The following RFX3 variants were observed in gnomAD, a reference collection of about 807,000 sequenced individuals.
RFX3 encodes regulatory factor X3.
A neutral mutation model predicts 98.6 loss-of-function variants in RFX3; 14 were observed. That is an observed-to-expected ratio of 0.14 (90% confidence interval 0.09 to 0.22). The LOEUF (loss-of-function observed/expected upper bound fraction) is 0.22. RFX3 is among the 10% of genes least tolerant of loss of function. RFX3 has a pLI of 1.00. For missense variants in RFX3, 639 were observed against 926.9 expected (o/e 0.69, Z 4.03); for synonymous variants, 383 against 328.4 (o/e 1.17, Z -1.80).
intron 1 of RFX3, among the ~76,000 whole-genome samples, chr9:3,522,102 A>G (rs1818778039): frequency 6.6e-6 from 1 of 152,210 alleles, no homozygotes; most frequent in Admixed American, 6.5e-5. Context: ...CAACAAAAGC[A>G]AAGGATGCCA....
chr9:3,276,173 G>C (rs1825186655), intron 8 of RFX3, among the ~76,000 whole-genome samples: 1 of 152,058 alleles, frequency 6.6e-6, no homozygotes, highest in Non-Finnish European at 1.5e-5. Context: ...CGCAGCACAG[G>C]ATCTTTTGGG....
chr9:3,273,031 A>C (rs1208598031), intron 9 of RFX3, among the ~76,000 whole-genome samples: 1 of 152,202 alleles, frequency 6.6e-6, no homozygotes, highest in Non-Finnish European at 1.5e-5. Context: ...CATTCATATC[A>C]GCTTCATTTG....
chr9:3,504,816 TATTA>T (rs1324329983), intron 1 of RFX3, among the ~76,000 whole-genome samples: 2 of 100,036 alleles, frequency 2.0e-5, no homozygotes, highest in African/African-American at 8.3e-5. Context: ...ATAAAATATA[TATTA>T]TATATAAAAT....
At chr9:3,512,092 A>T (rs1047788122) in intron 1 of RFX3, among the ~76,000 whole-genome samples, 3 of 151,912 alleles carry the variant, frequency 2.0e-5, no homozygotes, top group African/African-American at 7.3e-5. Flanking sequence ...CCATAAAAAC[A>T]AAAATAATAA....
intron 6 of RFX3, among the ~76,000 whole-genome samples, chr9:3,289,326 T>A (rs973428133): frequency 2.0e-5 from 3 of 152,066 alleles, no homozygotes; most frequent in African/African-American, 7.2e-5. Context: ...TGCCAGTTTT[T>A]AAAAAATGCA....
chr9:3,470,957 C>T (rs1848724164), intron 1 of RFX3, among the ~76,000 whole-genome samples: 1 of 152,140 alleles, frequency 6.6e-6, no homozygotes, highest in South Asian at 2.1e-4. Context: ...TTCTAACTTT[C>T]TGAAATCTGT....
Position 3,219,943 on chromosome 9 carries a change from T to C in RFX3, c.*5099A>G, listed in dbSNP as rs1188078622. 1 of 152,198 alleles carries C rather than the reference T, an allele frequency of 6.6e-6. No homozygotes were observed. The highest frequency in any genetic ancestry group is 1.5e-5 in the Non-Finnish European group (1 of 68,036). The allele number at this position is 152,198 out of a possible 1,614,324, so 9.4% of individuals were successfully genotyped here. On this transcript the variant is annotated 3_prime_UTR_variant, in exon 17 of 17. Transcript: ENST00000617270. ...ACATCTGCAGACAACACTGCTTTCA[T>C]GTTCGATCACGCAGGGAACAGAGGG...
In RFX3 at chr9:3,219,882, A is replaced by G. The variant is rs1817252254; in HGVS notation, c.*5160T>C. The G allele has an allele frequency of 6.6e-6, 1 of 152,222 alleles. No individual in the cohort carries two copies. The highest frequency in any genetic ancestry group is 2.1e-4 in the South Asian group (1 of 4,832). The allele number at this position is 152,222 out of a possible 1,614,324, so 9.4% of individuals were successfully genotyped here. A position where few individuals can be genotyped will look rare whatever the true frequency, so the allele number is the denominator to read the frequency against. ...CTTTCACCAGACATCAGAATAGGTT[A>G]CACTCTTATTTGCACCCAGCTAGGG... On this transcript the variant is annotated 3_prime_UTR_variant, in exon 17 of 17. Coordinates refer to ENST00000617270, the MANE Select transcript of RFX3 (RefSeq NM_001282116.2).
At chr9:3,231,284 T>A (rs1818410183) in intron 15 of RFX3, among the ~76,000 whole-genome samples, 1 of 152,196 alleles carries the variant, frequency 6.6e-6, no homozygotes, top group Admixed American at 6.5e-5. Context: ...CCTATAGAGC[T>A]GAAGGTAAAG....
chr9:3,457,307 T>C (rs918956184), intron 1 of RFX3, among the ~76,000 whole-genome samples: 2 of 152,142 alleles, frequency 1.3e-5, no homozygotes, highest in Non-Finnish European at 2.9e-5. Context: ...TTACTGGCCA[T>C]AATGGTTCAA....
chr9:3,465,794 T>TAGTAA (rs1040497574), intron 1 of RFX3, among the ~76,000 whole-genome samples: 3 of 151,900 alleles, frequency 2.0e-5, no homozygotes, highest in Non-Finnish European at 4.4e-5. Context: ...GTGGTAAAGA[T>TAGTAA]AGTAAGTATT....
intron 1 of RFX3, among the ~76,000 whole-genome samples, chr9:3,487,934 T>C (rs997541638): frequency 3.9e-5 from 6 of 152,140 alleles, no homozygotes; most frequent in African/African-American, 1.4e-4. Context: ...TAACTTACTG[T>C]TGGGAAAAGC....
chr9:3,482,633 G>C (rs1849874417), intron 1 of RFX3, among the ~76,000 whole-genome samples: 1 of 152,110 alleles, frequency 6.6e-6, no homozygotes, highest in Admixed American at 6.6e-5. Flanking sequence ...ACTGAATGAA[G>C]ATTTACATTT....
intron 1 of RFX3, chr9:3,452,342 G>A: frequency 3.0e-6 from 1 of 329,098 alleles, no homozygotes; most frequent in South Asian, 2.3e-5. Context: ...TGTAATCTCA[G>A]TGCTTTGGGA....
intron 2 of RFX3, among the ~76,000 whole-genome samples, chr9:3,361,738 A>T (rs990653847): frequency 6.6e-6 from 1 of 151,802 alleles, no homozygotes; most frequent in Non-Finnish European, 1.5e-5. Flanking sequence ...ACTGGAGCCC[A>T]GCAGTTTAAG....
chr9:3,504,864 T>TATATATAATATAAC (rs1816651579), intron 1 of RFX3, among the ~76,000 whole-genome samples: 2 of 71,018 alleles, frequency 2.8e-5, no homozygotes, highest in Non-Finnish European at 4.4e-5. Flanking sequence ...TATGATATAA[T>TATATATAATATAAC]ATATATTATA....
chr9:3,500,427 T>C (rs1260096850), intron 1 of RFX3, among the ~76,000 whole-genome samples: 1 of 152,142 alleles, frequency 6.6e-6, no homozygotes, highest in East Asian at 1.9e-4. Flanking sequence ...ATATGAAAGT[T>C]TATATTCAAT....
At chr9:3,316,490 G>A (rs144662498) in intron 4 of RFX3, among the ~76,000 whole-genome samples, 18,458 of 152,046 alleles carry the variant, frequency 0.12, 1,171 homozygotes, top group Middle Eastern at 0.19. Flanking sequence ...CTCTCTCACC[G>A]CTCCTATTCA....
At chr9:3,257,625 G>T (rs974776260) in intron 13 of RFX3, among the ~76,000 whole-genome samples, 2 of 152,134 alleles carry the variant, frequency 1.3e-5, no homozygotes, top group Non-Finnish European at 2.9e-5. Flanking sequence ...TATTTGAGAA[G>T]ATTTAGGGTA....
Sources: allele counts gnomAD v4.1 joint callset (sites outside exome capture counted in the v4.1 genomes callset), GRCh38; gene constraint gnomAD v4.1.1; transcripts MANE v1.5; gene names NCBI Gene and HGNC (gene_info 2026-07-23, HGNC 2026-07-21).